The following SLC35F5 variants were observed in gnomAD, a reference collection of about 807,000 sequenced individuals.
The protein encoded by SLC35F5 is solute carrier family 35 member F5.
A neutral mutation model predicts 68.6 loss-of-function variants in SLC35F5; 54 were observed. The ratio of observed to expected loss-of-function variants is 0.79; its 90% CI spans 0.63 to 0.99. SLC35F5 has a LOEUF of 0.99. Among genes scored for constraint, SLC35F5 ranks in the 50% least tolerant of loss-of-function variants. The pLI is 0.00. For synonymous variants in SLC35F5, 211 were observed against 205.2 expected (o/e 1.03, Z -0.24); for missense variants, 567 against 626.9 (o/e 0.90, Z 1.02).
At chr2:113,745,695 T>C (rs1161884620) in intron 5 of SLC35F5, among the ~76,000 whole-genome samples, 5 of 151,486 alleles carry the variant, frequency 3.3e-5, no homozygotes, top group Admixed American at 3.3e-4. Context: ...AAATAAAAAA[T>C]AAAAAAAGAG....
In SLC35F5 at chr2:113,755,326, G is replaced by C. The variant is rs1308282611; in HGVS notation, c.132-20C>G. 6.2e-7 allele frequency: 1 copy of C among 1,612,606 alleles called. No individual in the cohort carries two copies. Among genetic ancestry groups the C allele is most frequent in the South Asian group, 1.1e-5 (1 of 91,020 alleles). On this transcript the variant is annotated intron_variant, in intron 2 of 15. Transcript: ENST00000245680. ...TGCAGTCTGTTTTTTAGAAAATACA[G>C]ATCACATTAGAGATGATTTTAGAAA...
downstream of SLC35F5, among the ~76,000 whole-genome samples, chr2:113,703,143 C>T (rs1686729207): frequency 6.6e-6 from 1 of 151,622 alleles, no homozygotes; most frequent in African/African-American, 2.4e-5. Context: ...AAGTATAACT[C>T]AAAGTTTAAT....
chr2:113,736,560 T>C (rs1022917862), intron 7 of SLC35F5, among the ~76,000 whole-genome samples: 1 of 152,174 alleles, frequency 6.6e-6, no homozygotes, highest in African/African-American at 2.4e-5. Flanking sequence ...GAATACAGCA[T>C]AATGAGAAAT....
chr2:113,728,324 G>T (rs939578111), intron 11 of SLC35F5, among the ~76,000 whole-genome samples: 8 of 151,982 alleles, frequency 5.3e-5, no homozygotes, highest in African/African-American at 1.9e-4. Flanking sequence ...AAATTAAATA[G>T]AAATGCAGTC....
chr2:113,745,748 C>T (rs1676458933), intron 5 of SLC35F5, among the ~76,000 whole-genome samples: 1 of 152,004 alleles, frequency 6.6e-6, no homozygotes, highest in Non-Finnish European at 1.5e-5. Flanking sequence ...TATATACTAC[C>T]TCTCCAACTA....
At chr2:113,727,548 C>T (rs970794032) in intron 11 of SLC35F5, among the ~76,000 whole-genome samples, 1 of 152,118 alleles carries the variant, frequency 6.6e-6, no homozygotes, top group African/African-American at 2.4e-5. Context: ...GACAAAAGTC[C>T]CAATGACCCC....
intron 6 of SLC35F5, 22 bp downstream of exon 6, chr2:113,743,690 AC>A: frequency 6.3e-7 from 1 of 1,591,774 alleles, no homozygotes; most frequent in Non-Finnish European, 8.6e-7. Context: ...TAAACTTTCT[AC>A]CCATTTCCAA....
chr2:113,723,807 A>C (rs1426689312), intron 12 of SLC35F5, among the ~76,000 whole-genome samples: 3 of 152,236 alleles, frequency 2.0e-5, no homozygotes, highest in Admixed American at 2.0e-4. Flanking sequence ...ACCTTGAATT[A>C]ACAATGTGGG....
chr2:113,756,225 C>G, intron 1 of SLC35F5, 145 bp downstream of exon 1: 1 of 1,520,118 alleles, frequency 6.6e-7, no homozygotes, highest in Non-Finnish European at 8.8e-7. Flanking sequence ...CCCCTGTCAG[C>G]TCCCGCTCCC....
At chr2:113,737,995 G>A (rs545198491) in intron 7 of SLC35F5, among the ~76,000 whole-genome samples, 2 of 152,142 alleles carry the variant, frequency 1.3e-5, no homozygotes, top group East Asian at 3.9e-4. Flanking sequence ...AATAGTGTAT[G>A]TTCAAGGTAT....
At chr2:113,754,268 C>T (rs1022423128) in intron 3 of SLC35F5, among the ~76,000 whole-genome samples, 4 of 140,268 alleles carry the variant, frequency 2.9e-5, no homozygotes, top group South Asian at 2.2e-4. Flanking sequence ...CCAGCCTGGG[C>T]GACAGAGCAG....
chr2:113,749,258 T>A (rs1676641804), intron 4 of SLC35F5, among the ~76,000 whole-genome samples: 2 of 152,180 alleles, frequency 1.3e-5, no homozygotes, highest in African/African-American at 4.8e-5. Context: ...CCCCAGCACT[T>A]TGGGAGGCCA....
chr2:113,722,232 C>T (rs896419218), intron 13 of SLC35F5, among the ~76,000 whole-genome samples: 6 of 152,090 alleles, frequency 3.9e-5, no homozygotes, highest in Non-Finnish European at 5.9e-5. Context: ...GCCTCGGCCT[C>T]CCAAGTGCTG....
rs146381061 is a variant in SLC35F5 at position 113,714,228 on chromosome 2, A to G, written c.*990T>C. 3.3e-5 allele frequency: 5 copies of G among 152,282 alleles called. No individual in the cohort carries two copies. The highest frequency in any genetic ancestry group is 2.6e-4 in the Admixed American group (4 of 15,306). The allele number at this position is 152,282 out of a possible 1,614,324, so 9.4% of individuals were successfully genotyped here. A position where few individuals can be genotyped will look rare whatever the true frequency, so the allele number is the denominator to read the frequency against. On this transcript the variant is annotated 3_prime_UTR_variant, in exon 16 of 16. Coordinates refer to ENST00000245680, the MANE Select transcript of SLC35F5 (RefSeq NM_025181.5). ...CTCGCCTTACTTACTTGGTACTTTA[A>G]CCATTACAAATTTATTCAGGAAAAC...
chr2:113,716,853 G>A (rs1687201743), intron 15 of SLC35F5, among the ~76,000 whole-genome samples: 1 of 152,114 alleles, frequency 6.6e-6, no homozygotes, highest in Non-Finnish European at 1.5e-5. Flanking sequence ...AAGAAAAACA[G>A]AAAACCAGGA....
chr2:113,726,764 C>T (rs1347557916), intron 11 of SLC35F5, among the ~76,000 whole-genome samples: 1 of 152,108 alleles, frequency 6.6e-6, no homozygotes, highest in Non-Finnish European at 1.5e-5. Context: ...GACTCAAGGC[C>T]CAGACATATT....
rs1686917018 is a variant in SLC35F5, at chr2:113,709,732, G to A, written c.*5486C>T. Among the ~76,000 whole-genome samples the A allele has an allele frequency of 6.6e-6, 1 of 152,162 alleles. No individual in the cohort carries two copies. Among genetic ancestry groups the A allele is most frequent in the South Asian group, 2.1e-4 (1 of 4,830 alleles). On this transcript the variant is annotated 3_prime_UTR_variant, in exon 16 of 16. Transcript: ENST00000245680. ...GCATTACCTGGACGCTTGTTAGAAA[G>A]GCAAATTACCAGGCCCACCATCCCC...
At chr2:113,756,238 C>G in intron 1 of SLC35F5, 132 bp downstream of exon 1, 2 of 1,528,712 alleles carry the variant, frequency 1.3e-6, no homozygotes, top group Non-Finnish European at 1.8e-6. Context: ...CCGCTCCCTC[C>G]GCCCCTAGAG....
At chr2:113,735,971 T>C in intron 7 of SLC35F5, 113 bp from the exon 8 acceptor site, 1 of 619,410 alleles carries the variant, frequency 1.6e-6, no homozygotes, top group Non-Finnish European at 2.8e-6. Context: ...TCACAAGATG[T>C]TTTAAAAGCT....
Sources: allele counts gnomAD v4.1 joint callset (sites outside exome capture counted in the v4.1 genomes callset), GRCh38; gene constraint gnomAD v4.1.1; transcripts MANE v1.5; gene names NCBI Gene and HGNC (gene_info 2026-07-23, HGNC 2026-07-21).